The following PCNX1 variants were observed in gnomAD, a reference collection of about 807,000 sequenced individuals.
PCNX1 encodes pecanex-like protein 1.
Under a neutral mutation model 242.2 loss-of-function variants are expected in PCNX1, and 78 were observed. The observed-to-expected ratio is 0.32, with a 90% confidence interval of 0.27 to 0.39. The LOEUF (loss-of-function observed/expected upper bound fraction) is 0.39, where lower values mean the gene tolerates loss of function less well. Among genes scored for constraint, PCNX1 ranks in the 10% least tolerant of loss-of-function variants. PCNX1 has a pLI of 1.00. For synonymous variants in PCNX1, 1,024 were observed against 1,032.9 expected, an observed-to-expected ratio of 0.99 and a Z score of 0.17; for missense variants, 2,581 against 2,856.5, an observed-to-expected ratio of 0.90 and a Z score of 2.20.
At chr14:70,961,168 T>C (rs1423253633) in intron 2 of PCNX1, among the ~76,000 whole-genome samples, 1 of 152,146 alleles carries the variant, frequency 6.6e-6, no homozygotes, top group Non-Finnish European at 1.5e-5. Context: ...AAAACTACTT[T>C]GAAGTTCATA....
chr14:70,934,602 A>G (rs992550320), intron 1 of PCNX1, among the ~76,000 whole-genome samples: 6 of 152,172 alleles, frequency 3.9e-5, no homozygotes, highest in Non-Finnish European at 7.3e-5. Flanking sequence ...ATTTTTAAGT[A>G]TACTCTTCAG....
intron 10 of PCNX1, 127 bp downstream of exon 10, chr14:71,011,676 G>A: frequency 1.6e-6 from 1 of 625,534 alleles, no homozygotes; most frequent in Non-Finnish European, 2.8e-6. Context: ...GAAAACTATG[G>A]CAAAATCACT....
chr14:70,957,091 G>A (rs1041095331), intron 2 of PCNX1, among the ~76,000 whole-genome samples: 1 of 152,038 alleles, frequency 6.6e-6, no homozygotes, highest in African/African-American at 2.4e-5. Flanking sequence ...TACCTCCCGG[G>A]CTAAATCTGT....
At chr14:70,979,612 T>G (rs1450062928) in intron 6 of PCNX1, among the ~76,000 whole-genome samples, 2 of 152,150 alleles carry the variant, frequency 1.3e-5, no homozygotes, top group African/African-American at 4.8e-5. Flanking sequence ...AAAGTTATAG[T>G]CTGTTTGATA....
intron 19 of PCNX1, among the ~76,000 whole-genome samples, chr14:71,040,105 C>T (rs2060662514): frequency 6.6e-6 from 1 of 152,150 alleles, no homozygotes; most frequent in African/African-American, 2.4e-5. Flanking sequence ...AGCCACTGCA[C>T]CCTGCCTCCT....
chr14:70,981,413 T>A (rs1039186189), intron 6 of PCNX1, among the ~76,000 whole-genome samples: 7 of 152,190 alleles, frequency 4.6e-5, no homozygotes, highest in Non-Finnish European at 1.0e-4. Flanking sequence ...GTTTCTTACA[T>A]AATGCCAATA....
chr14:70,934,927 C>T (rs1284381244), intron 1 of PCNX1, among the ~76,000 whole-genome samples: 4 of 152,148 alleles, frequency 2.6e-5, no homozygotes, highest in Non-Finnish European at 4.4e-5. Context: ...GCTCTGGAAT[C>T]AGCTGAGAGT....
chr14:71,059,931 G>A (rs2061282647), intron 26 of PCNX1, among the ~76,000 whole-genome samples: 1 of 151,938 alleles, frequency 6.6e-6, no homozygotes, highest in Non-Finnish European at 1.5e-5. Flanking sequence ...ACTCCTTATT[G>A]CCCTTCATTT....
intron 6 of PCNX1, among the ~76,000 whole-genome samples, chr14:70,984,741 A>G (rs1458731214): frequency 6.6e-6 from 1 of 152,000 alleles, no homozygotes; most frequent in Non-Finnish European, 1.5e-5. Flanking sequence ...ACAGCTTCCA[A>G]TTTTTGAGAT....
intron 12 of PCNX1, among the ~76,000 whole-genome samples, 198 bp from the exon 13 acceptor site, chr14:71,023,002 G>A (rs1304035330): frequency 2.0e-5 from 3 of 152,010 alleles, no homozygotes; most frequent in Admixed American, 1.3e-4. Context: ...TATCAGGAAA[G>A]ATTTGATATG....
rs1252799733 is a variant in PCNX1, at chr14:70,977,006, T to C, written c.669T>C (p.Pro223=). Residue 223 remains proline, a synonymous_variant, in exon 6 of 36, where the codon CCT becomes CCC. Coordinates refer to ENST00000304743, the MANE Select transcript of PCNX1 (RefSeq NM_014982.3). ...ATGACTCCTTCATCTCTATTCAGCC[T>C]TCCTTATCCTCTTGTGGACAGGACT... ...VSNDSFISIQ[P]SLSSCGQDLP... 6.2e-7 allele frequency: 1 copy of C among 1,614,148 alleles called. No homozygotes were observed. Among genetic ancestry groups the C allele is most frequent in the Admixed American group, 1.7e-5 (1 of 60,026 alleles).
chr14:71,019,952 G>A (rs568264074), intron 12 of PCNX1, among the ~76,000 whole-genome samples: 245 of 146,674 alleles, frequency 1.7e-3, no homozygotes, highest in African/African-American at 5.9e-3. Context: ...GCCCCCTGAC[G>A]GACCCCCTCC....
intron 30 of PCNX1, among the ~76,000 whole-genome samples, chr14:71,094,497 A>G (rs977518587): frequency 3.3e-5 from 5 of 152,214 alleles, no homozygotes; most frequent in African/African-American, 1.2e-4. Flanking sequence ...TAAAATTTCT[A>G]TTAACCTTTG....
chr14:70,962,387 C>T lies in PCNX1; in HGVS notation c.468+56C>T, dbSNP rs2058247814. 4.6e-6 allele frequency: 4 copies of T among 877,774 alleles called. No individual in the cohort carries two copies. In the Admixed American group the frequency reaches 5.1e-5, roughly 11 times the overall value. The allele number at this position is 877,774 out of a possible 1,614,324, so 54.4% of individuals were successfully genotyped here. A position where few individuals can be genotyped will look rare whatever the true frequency, so the allele number is the denominator to read the frequency against. On this transcript the variant is annotated intron_variant, in intron 3 of 35. Transcript: ENST00000304743. ...TTTCCCTCCTCCTGATGGTGGTCTC[C>T]GTTATTCTCGTGTCTTTAAGTCGGC...
intron 1 of PCNX1, among the ~76,000 whole-genome samples, chr14:70,937,232 G>C (rs1429214402): frequency 2.0e-5 from 3 of 152,156 alleles, no homozygotes; most frequent in Middle Eastern, 3.2e-3. Context: ...GAATGGTATT[G>C]CCTAGGTTTT....
chr14:70,924,308 T>C (rs2810117), intron 1 of PCNX1, among the ~76,000 whole-genome samples: 95,208 of 149,916 alleles, frequency 0.64, 30,320 homozygotes, highest in South Asian at 0.71. Context: ...TTAAAAGAAA[T>C]CTGGTTTTAG....
chr14:71,020,182 T>C (rs558727963), intron 12 of PCNX1, among the ~76,000 whole-genome samples: 8 of 152,248 alleles, frequency 5.3e-5, no homozygotes, highest in Non-Finnish European at 1.2e-4. Flanking sequence ...CAGTCTATCA[T>C]TGATGGGCAT....
At chr14:71,086,622 A>G (rs2061997301) in intron 28 of PCNX1, among the ~76,000 whole-genome samples, 1 of 152,132 alleles carries the variant, frequency 6.6e-6, no homozygotes, top group Admixed American at 6.6e-5. Context: ...GTTCCTTTGT[A>G]TTCCATTCGG....
At chr14:71,028,828 C>A in intron 16 of PCNX1, 37 bp downstream of exon 16, 1 of 1,178,224 alleles carries the variant, frequency 8.5e-7, no homozygotes, top group Non-Finnish European at 1.2e-6. Context: ...GTCTTTAAGG[C>A]TATATTTCTA....
Sources: gnomAD v4.1 joint callset for allele counts (sites outside exome capture counted in the v4.1 genomes callset) on GRCh38, gnomAD v4.1.1 for gene constraint, MANE v1.5 for transcripts, NCBI Gene and HGNC (gene_info 2026-07-23, HGNC 2026-07-21) for gene names.